The following ZSWIM6 variants were observed in gnomAD, a reference collection of about 807,000 sequenced individuals.
ZSWIM6 encodes zinc finger SWIM-type containing 6, also known as zinc finger SWIM domain-containing protein 6.
Under a neutral mutation model 113.2 loss-of-function variants are expected in ZSWIM6, and 9 were observed. The ratio of observed to expected loss-of-function variants is 0.08; its 90% CI spans 0.05 to 0.14. The LOEUF (loss-of-function observed/expected upper bound fraction) is 0.14, where lower values mean the gene tolerates loss of function less well. Ranked by LOEUF, ZSWIM6 falls within the 10% of genes least tolerant of loss-of-function variation. ZSWIM6 has a pLI of 1.00. For missense variants in ZSWIM6, 1,162 were observed against 1,552.2 expected (o/e 0.75, Z 4.22); for synonymous variants, 611 against 606.5 (o/e 1.01, Z -0.11).
Position 61,395,910 on chromosome 5 carries a change from CT to C in ZSWIM6, c.676+62972del, listed in dbSNP as rs200792174. Among the ~76,000 whole-genome samples the C allele has an allele frequency of 7.3e-3, 1,072 of 147,322 alleles. 14 individuals are homozygous for C. The highest frequency in any genetic ancestry group is 0.025 in the African/African-American group (1,017 of 40,292). ...ACTTTGAATACTTTATTAAGCTCTA[CT>C]TTTTTTTTTATGGGAGGTATTGATT... On this transcript the variant is annotated intron_variant, in intron 1 of 13. Coordinates refer to ENST00000252744, the MANE Select transcript of ZSWIM6 (RefSeq NM_020928.2).
At position 61,332,336 on chromosome 5, in the gene ZSWIM6, GGCGGCGGCGGGGGCAGCA is replaced by G. The variant is rs1311811346; in HGVS notation, c.75_92del (p.Ser27_Gly32del). 3.7e-6 allele frequency: 4 copies of G among 1,071,818 alleles called. No homozygotes were observed. The highest frequency in any genetic ancestry group is 8.6e-5 in the South Asian group (2 of 23,132). 66.4% of individuals were successfully genotyped at this position (1,071,818 alleles called of 1,614,324 possible). On this transcript the variant is annotated inframe_deletion, in exon 1 of 14. Coordinates refer to ENST00000252744, the MANE Select transcript of ZSWIM6 (RefSeq NM_020928.2). ...GCTTTGCTGCCGGCCGGGCGGCGGC[GGCGGCGGCGGGGGCAGCA>G]GCGGCGGCGGCGGCGGCGCGGGTGG...
chr5:61,419,901 A>G lies in ZSWIM6; in HGVS notation c.677-52780A>G, dbSNP rs193132312. Among the ~76,000 whole-genome samples, 4 of 152,346 alleles carry G rather than the reference A, an allele frequency of 2.6e-5. No individual in the cohort carries two copies. In the East Asian group the frequency reaches 5.8e-4, roughly 22 times the overall value. On this transcript the variant is annotated intron_variant, in intron 1 of 13. Coordinates refer to ENST00000252744, the MANE Select transcript of ZSWIM6 (RefSeq NM_020928.2). ...AGTAGTTGTGGTTTCATCAATAGAAATATCTTAGAAATTGCAATCAGAAGG... is the reference window on the plus strand; with the variant it reads ...AGTAGTTGTGGTTTCATCAATAGAAGTATCTTAGAAATTGCAATCAGAAGG...
At chr5:61,444,647 G>A (rs1479543984) in intron 1 of ZSWIM6, among the ~76,000 whole-genome samples, 4 of 152,090 alleles carry the variant, frequency 2.6e-5, no homozygotes, top group South Asian at 2.1e-4. Flanking sequence ...CTGTTATTCC[G>A]ACATAGGGGC....
intron 2 of ZSWIM6, among the ~76,000 whole-genome samples, chr5:61,490,150 A>G (rs959054362): frequency 6.6e-6 from 1 of 152,078 alleles, no homozygotes; most frequent in African/African-American, 2.4e-5. Flanking sequence ...CTACACACAT[A>G]GGGCTTATTA....
At chr5:61,334,006 C>G (rs1019378624) in intron 1 of ZSWIM6, among the ~76,000 whole-genome samples, 4 of 152,242 alleles carry the variant, frequency 2.6e-5, no homozygotes, top group Non-Finnish European at 5.9e-5. Context: ...TTCTCATTTT[C>G]AGGTTTTTTT....
intron 4 of ZSWIM6, among the ~76,000 whole-genome samples, chr5:61,508,607 GATTCTTTA>G (rs1020150309): frequency 6.6e-6 from 1 of 152,162 alleles, no homozygotes; most frequent in Non-Finnish European, 1.5e-5. Flanking sequence ...GATGGCCACA[GATTCTTTA>G]CTACTGTCTC....
At chr5:61,495,939 G>A (rs1338190618) in intron 4 of ZSWIM6, among the ~76,000 whole-genome samples, 1 of 152,022 alleles carries the variant, frequency 6.6e-6, no homozygotes, top group Non-Finnish European at 1.5e-5. Context: ...AATTACAAAC[G>A]ACTGTTTAGG....
chr5:61,443,387 C>A (rs1269152227), intron 1 of ZSWIM6, among the ~76,000 whole-genome samples: 1 of 152,192 alleles, frequency 6.6e-6, no homozygotes, highest in Non-Finnish European at 1.5e-5. Context: ...ACTCATAACA[C>A]ACCTATATAA....
At chr5:61,384,476 G>A (rs1745553441) in intron 1 of ZSWIM6, among the ~76,000 whole-genome samples, 1 of 152,132 alleles carries the variant, frequency 6.6e-6, no homozygotes, top group Non-Finnish European at 1.5e-5. Context: ...TTTCACAAAG[G>A]CTAAAACAAG....
intron 1 of ZSWIM6, among the ~76,000 whole-genome samples, chr5:61,340,926 CGTA>C (rs1423579104): frequency 1.3e-5 from 2 of 152,158 alleles, no homozygotes; most frequent in East Asian, 1.9e-4. Context: ...ATTTGGAAAT[CGTA>C]GTAATGTTTG....
chr5:61,520,785 A>G (rs1749094841), intron 4 of ZSWIM6, among the ~76,000 whole-genome samples: 1 of 152,194 alleles, frequency 6.6e-6, no homozygotes, highest in Non-Finnish European at 1.5e-5. Flanking sequence ...GTAATTTTAG[A>G]AAGTAAATTC....
intron 4 of ZSWIM6, among the ~76,000 whole-genome samples, chr5:61,517,834 G>C (rs891165063): frequency 6.6e-6 from 1 of 150,604 alleles, no homozygotes; most frequent in African/African-American, 2.4e-5. Flanking sequence ...TAGGGTACAT[G>C]TGCACAATGT....
chr5:61,480,935 A>G (rs1294769821), intron 2 of ZSWIM6, among the ~76,000 whole-genome samples: 1 of 152,200 alleles, frequency 6.6e-6, no homozygotes, highest in Non-Finnish European at 1.5e-5. Flanking sequence ...TAGGTCCCCA[A>G]AAGTGGCTGA....
chr5:61,396,387 CT>C (rs1745837679), intron 1 of ZSWIM6, among the ~76,000 whole-genome samples: 1 of 151,954 alleles, frequency 6.6e-6, no homozygotes, highest in South Asian at 2.1e-4. Flanking sequence ...CAAAAATTAG[CT>C]GGGTATGGTG....
intron 1 of ZSWIM6, among the ~76,000 whole-genome samples, chr5:61,343,674 C>T (rs1426981840): frequency 1.3e-5 from 2 of 152,148 alleles, no homozygotes; most frequent in African/African-American, 2.4e-5. Context: ...ACTCCTGCTG[C>T]TACCTTTTCT....
intron 1 of ZSWIM6, among the ~76,000 whole-genome samples, chr5:61,342,437 T>C (rs1744569182): frequency 6.6e-6 from 1 of 152,196 alleles, no homozygotes; most frequent in African/African-American, 2.4e-5. Context: ...GGGACCATTA[T>C]TGTTTCCGTT....
intron 1 of ZSWIM6, among the ~76,000 whole-genome samples, chr5:61,401,998 T>C (rs1437814250): frequency 7.0e-6 from 1 of 143,512 alleles, no homozygotes; most frequent in African/African-American, 2.7e-5. Flanking sequence ...CTGATACCTG[T>C]TCTCTTTTTT....
intron 1 of ZSWIM6, among the ~76,000 whole-genome samples, chr5:61,354,191 G>A (rs1352679546): frequency 6.6e-6 from 1 of 152,158 alleles, no homozygotes; most frequent in South Asian, 2.1e-4. Flanking sequence ...AACTGCCTGC[G>A]TGTTCAACTT....
intron 4 of ZSWIM6, among the ~76,000 whole-genome samples, chr5:61,520,299 A>G (rs545056089): frequency 6.6e-6 from 1 of 152,350 alleles, no homozygotes; most frequent in Non-Finnish European, 1.5e-5. Context: ...AAAGCTTTGG[A>G]ATACTGGTAG....
Sources: gnomAD v4.1 joint callset for allele counts (sites outside exome capture counted in the v4.1 genomes callset) on GRCh38, gnomAD v4.1.1 for gene constraint, MANE v1.5 for transcripts, NCBI Gene and HGNC (gene_info 2026-07-23, HGNC 2026-07-21) for gene names.